The following SUCLG2 variants were observed in gnomAD, a reference collection of about 807,000 sequenced individuals.
SUCLG2 encodes the protein succinate-CoA ligase GDP-forming subunit beta.
In SUCLG2, 42 loss-of-function variants were observed where a neutral mutation model predicts 47.9. That is an observed-to-expected ratio of 0.88 (90% confidence interval 0.69 to 1.14). SUCLG2 has a LOEUF of 1.14. SUCLG2 is among the 50% of genes most tolerant of loss of function. The probability of loss-of-function intolerance (pLI) is 0.00; values close to 1 mark genes in which losing one functional copy is unlikely to be tolerated. For synonymous variants in SUCLG2, 195 were observed against 197.3 expected (o/e 0.99, Z 0.10); for missense variants, 571 against 525.9 (o/e 1.09, Z -0.84).
intron 10 of SUCLG2, among the ~76,000 whole-genome samples, chr3:67,361,013 GAAA>G (rs769551238): frequency 2.6e-4 from 39 of 152,300 alleles, no homozygotes; most frequent in Admixed American, 7.9e-4. Flanking sequence ...TAAGGCAGAT[GAAA>G]CAAGTAAGTG....
intron 4 of SUCLG2, among the ~76,000 whole-genome samples, chr3:67,527,829 A>G (rs1311362572): frequency 6.6e-6 from 1 of 152,206 alleles, no homozygotes; most frequent in East Asian, 1.9e-4. Context: ...CTGTCACAGC[A>G]AGCGCTTCTC....
At chr3:67,426,093 A>G (rs1332588834) in intron 9 of SUCLG2, among the ~76,000 whole-genome samples, 1 of 152,206 alleles carries the variant, frequency 6.6e-6, no homozygotes, top group African/African-American at 2.4e-5. Context: ...AGAGAATGCT[A>G]AGTCTCTATT....
intron 9 of SUCLG2, among the ~76,000 whole-genome samples, chr3:67,411,365 CGAT>C (rs1702928582): frequency 6.6e-6 from 1 of 151,846 alleles, no homozygotes. Flanking sequence ...TAATGTAAAA[CGAT>C]GGTGGAATAT....
chr3:67,436,769 CAAT>C (rs1703634360), intron 9 of SUCLG2, among the ~76,000 whole-genome samples: 4 of 152,108 alleles, frequency 2.6e-5, no homozygotes, highest in Admixed American at 2.6e-4. Context: ...CACAAATTTT[CAAT>C]ATTATATAAT....
chr3:67,397,447 G>A (rs1702557476), intron 10 of SUCLG2, among the ~76,000 whole-genome samples: 1 of 152,028 alleles, frequency 6.6e-6, no homozygotes, highest in African/African-American at 2.4e-5. Flanking sequence ...AAATACCTAG[G>A]AATCCAACTT....
intron 4 of SUCLG2, among the ~76,000 whole-genome samples, chr3:67,521,861 T>A (rs1454143914): frequency 1.3e-5 from 2 of 151,930 alleles, no homozygotes; most frequent in Admixed American, 6.6e-5. Context: ...TTCAAGTATC[T>A]ACCTGCCTCA....
At chr3:67,400,078 C>A (rs1200175125) in intron 10 of SUCLG2, among the ~76,000 whole-genome samples, 1 of 152,058 alleles carries the variant, frequency 6.6e-6, no homozygotes, top group Non-Finnish European at 1.5e-5. Context: ...ACACATATGT[C>A]TGTGAGGCCA....
At position 67,641,462 on chromosome 3, in the gene SUCLG2, C is replaced by G. The variant is rs115838747; in HGVS notation, c.84+13041G>C. Among the ~76,000 whole-genome samples, 443 of 152,226 alleles carry G rather than the reference C, an allele frequency of 2.9e-3. 6 individuals are homozygous for G. The highest frequency in any genetic ancestry group is 0.01 in the African/African-American group (416 of 41,550). On this transcript the variant is annotated intron_variant, in intron 1 of 10. Transcript: ENST00000307227. ...CACATATTAGGTTGGTGCAAAGTTA[C>G]AAATTTCAAAAACCGCAATTACTTT...
At chr3:67,472,535 A>G (rs919796332) in intron 9 of SUCLG2, among the ~76,000 whole-genome samples, 6 of 152,184 alleles carry the variant, frequency 3.9e-5, no homozygotes, top group African/African-American at 1.4e-4. Flanking sequence ...TTACACTTAG[A>G]TTTATTTACT....
intron 2 of SUCLG2, among the ~76,000 whole-genome samples, chr3:67,601,813 G>C (rs1451236612): frequency 6.6e-6 from 1 of 151,838 alleles, no homozygotes; most frequent in Non-Finnish European, 1.5e-5. Flanking sequence ...GAAACCCCGT[G>C]TCTATTAAAA....
intron 1 of SUCLG2, among the ~76,000 whole-genome samples, chr3:67,618,484 C>T (rs1700671244): frequency 2.0e-5 from 3 of 152,110 alleles, no homozygotes; most frequent in Middle Eastern, 3.4e-3. Flanking sequence ...CTAGGTTATC[C>T]CCATCTCACA....
At chr3:67,540,432 A>C (rs932178714) in intron 2 of SUCLG2, among the ~76,000 whole-genome samples, 2 of 152,034 alleles carry the variant, frequency 1.3e-5, no homozygotes, top group Non-Finnish European at 2.9e-5. Context: ...AGCTGCTTGG[A>C]AGTTCTGACT....
chr3:67,582,065 A>G (rs932966596), intron 2 of SUCLG2, among the ~76,000 whole-genome samples: 3 of 152,242 alleles, frequency 2.0e-5, no homozygotes, highest in Non-Finnish European at 4.4e-5. Context: ...CTTAATAAGT[A>G]CCAGAGAAAT....
In SUCLG2 at chr3:67,417,125, G is replaced by A. The variant is rs1338879132; in HGVS notation, c.1063-16274C>T. Among the ~76,000 whole-genome samples, 6 of 151,206 alleles carry A rather than the reference G, an allele frequency of 4.0e-5. No individual in the cohort carries two copies. In the East Asian group the frequency reaches 1.2e-3, roughly 29 times the overall value. The stretch of plus-strand genomic sequence containing the variant: ...AAAAAAAAGAGCAAAGAGAATTCTT[G>A]TCTAGAGAAAAAAAAATAGTACTAC... On this transcript the variant is annotated intron_variant, in intron 9 of 10. Transcript: ENST00000307227.
chr3:67,617,049 C>T (rs978958719), intron 1 of SUCLG2, among the ~76,000 whole-genome samples: 5 of 152,162 alleles, frequency 3.3e-5, no homozygotes, highest in African/African-American at 1.2e-4. Flanking sequence ...TGCAAATTAG[C>T]ACCGATAAAT....
chr3:67,374,456 C>T (rs116306000), downstream of SUCLG2, among the ~76,000 whole-genome samples: 737 of 152,224 alleles, frequency 4.8e-3, 2 homozygotes, highest in African/African-American at 0.017. Flanking sequence ...CTTTGCGTTA[C>T]GCAGACTGAC....
chr3:67,443,865 G>C (rs1363169826), intron 9 of SUCLG2, among the ~76,000 whole-genome samples: 1 of 76,796 alleles, frequency 1.3e-5, no homozygotes, highest in Non-Finnish European at 3.1e-5. Context: ...CAGCTGCCCC[G>C]TCTGAGAAGT....
chr3:67,554,195 C>T (rs114807226), intron 2 of SUCLG2, among the ~76,000 whole-genome samples: 3,426 of 152,204 alleles, frequency 0.023, 58 homozygotes, highest in Non-Finnish European at 0.036. Context: ...GATGGCATCC[C>T]GGGGTTCCCT....
intron 9 of SUCLG2, among the ~76,000 whole-genome samples, chr3:67,494,022 C>T (rs190668809): frequency 2.6e-5 from 4 of 152,230 alleles, no homozygotes; most frequent in East Asian, 3.9e-4. Flanking sequence ...AATACCTTGC[C>T]GTCTGTTTTG....
Sources: gnomAD v4.1 joint callset for allele counts (sites outside exome capture counted in the v4.1 genomes callset) on GRCh38, gnomAD v4.1.1 for gene constraint, MANE v1.5 for transcripts, NCBI Gene and HGNC (gene_info 2026-07-23, HGNC 2026-07-21) for gene names.